The following WDR76 variants were observed in gnomAD, a reference collection of about 807,000 sequenced individuals.
WDR76 encodes WD repeat-containing protein 76.
Under a neutral mutation model 70.2 loss-of-function variants are expected in WDR76, and 52 were observed. That is an observed-to-expected ratio of 0.74 (90% CI 0.59 to 0.93). The LOEUF (loss-of-function observed/expected upper bound fraction) is 0.93, where lower values mean the gene tolerates loss of function less well. Ranked by LOEUF, WDR76 falls within the 40% of genes least tolerant of loss-of-function variation. WDR76 has a pLI of 0.00. For synonymous variants in WDR76, 292 were observed against 271.1 expected (o/e 1.08, Z -0.76); for missense variants, 756 against 760.2 (o/e 0.99, Z 0.07).
At chr15:43,829,556 G>A (rs1415324881) in intron 2 of WDR76, among the ~76,000 whole-genome samples, 1 of 146,116 alleles carries the variant, frequency 6.8e-6, no homozygotes, top group African/African-American at 2.6e-5. Flanking sequence ...GCCCAGGATG[G>A]AGCGCAGTGG....
chr15:43,861,430 A>T (rs1189210109), intron 12 of WDR76, 44 bp downstream of exon 12: 2 of 1,540,918 alleles, frequency 1.3e-6, no homozygotes, highest in African/African-American at 1.4e-5. Flanking sequence ...GATTACTATG[A>T]ACTATTTGTT....
At chr15:43,853,581 G>A (rs745553141) in intron 9 of WDR76, among the ~76,000 whole-genome samples, 1 of 152,120 alleles carries the variant, frequency 6.6e-6, no homozygotes, top group East Asian at 1.9e-4. Flanking sequence ...TAAAAAATGG[G>A]CAAAGGATCT....
At position 43,863,638 on chromosome 15, in the gene WDR76, C is replaced by T. The variant is rs141312172; in HGVS notation, c.1616+2252C>T. On this transcript the variant is annotated intron_variant, in intron 12 of 12. Transcript: ENST00000263795. ...GTGGTGGCATGATCATGGCTCACTT[C>T]AGCCTCAATCTCCTGGACTTGAGCA... is the stretch of plus-strand genomic sequence containing the variant. Among the ~76,000 whole-genome samples the T allele has an allele frequency of 4.1e-3, 628 of 152,010 alleles. 4 individuals are homozygous for T. Among genetic ancestry groups the T allele is most frequent in the Middle Eastern group, 0.024 (7 of 294 alleles).
chr15:43,848,862 CG>C (rs1452129773), intron 8 of WDR76, among the ~76,000 whole-genome samples: 1 of 151,426 alleles, frequency 6.6e-6, no homozygotes, highest in African/African-American at 2.4e-5. Flanking sequence ...TGCTTGAACC[CG>C]GGAGGCAGAG....
intron 2 of WDR76, among the ~76,000 whole-genome samples, chr15:43,830,814 C>T (rs1325001213): frequency 1.3e-5 from 2 of 151,720 alleles, no homozygotes; most frequent in South Asian, 2.1e-4. Context: ...TGGGAGGCCA[C>T]GGTGGGTGGA....
chr15:43,861,729 G>GC (rs2087999571), intron 12 of WDR76, among the ~76,000 whole-genome samples: 1 of 151,518 alleles, frequency 6.6e-6, no homozygotes, highest in South Asian at 2.1e-4. Context: ...CTGAAGGTCT[G>GC]TTTATTTGTG....
At position 43,858,728 on chromosome 15, in the gene WDR76, T is replaced by G. The variant is rs1280488051; in HGVS notation, c.1467T>G (p.Ile489Met). The change falls in exon 11 of 13, where the codon ATT becomes ATG. Residue 489 changes from isoleucine to methionine, a missense_variant. Coordinates refer to ENST00000263795, the MANE Select transcript of WDR76 (RefSeq NM_024908.4). ...RLNSRRSQPL[I>M]SLTEHTKSIA... ...ATTCCAGGAGAAGTCAGCCTTTGAT[T>G]TCTTTGACTGAACATACAAAGAGCA... The G allele has an allele frequency of 1.2e-6, 2 of 1,614,104 alleles. No individual in the cohort carries two copies.
chr15:43,854,719 C>T (rs2087907716), intron 9 of WDR76, among the ~76,000 whole-genome samples: 1 of 150,950 alleles, frequency 6.6e-6, no homozygotes, highest in Non-Finnish European at 1.5e-5. Context: ...GAGGCCGAGG[C>T]AGGTGGATCA....
intron 8 of WDR76, among the ~76,000 whole-genome samples, chr15:43,846,554 G>A (rs906639578): frequency 6.7e-6 from 1 of 150,076 alleles, no homozygotes; most frequent in Non-Finnish European, 1.5e-5. Context: ...AAAGTGCTGG[G>A]ATTACAGGTG....
chr15:43,840,306 G>C (rs1158201533), intron 5 of WDR76, among the ~76,000 whole-genome samples: 1 of 151,344 alleles, frequency 6.6e-6, no homozygotes, highest in Non-Finnish European at 1.5e-5. Flanking sequence ...AGCAATAATA[G>C]AACCCTCAGT....
At chr15:43,851,349 A>C (rs982803123) in intron 9 of WDR76, 104 bp downstream of exon 9, 2 of 1,469,618 alleles carry the variant, frequency 1.4e-6, no homozygotes, top group Non-Finnish European at 1.9e-6. Context: ...GGTATAGCAG[A>C]AGGACTTTGA....
In WDR76 at chr15:43,839,510, C is replaced by A. The variant is rs61354060; in HGVS notation, c.609-95C>A. ...ATATCTATGCAGTTTATAAATATAT[C>A]TGTGGTATATATTCCTAGAAGTTAT... On this transcript the variant is annotated intron_variant, in intron 4 of 12. Coordinates refer to ENST00000263795, the MANE Select transcript of WDR76 (RefSeq NM_024908.4). The A allele has an allele frequency of 1.1e-3, 1,362 of 1,239,708 alleles. 15 individuals are homozygous for A. In the African/African-American group the frequency reaches 0.02, roughly 18 times the overall value. The allele number at this position is 1,239,708 out of a possible 1,614,324, so 76.8% of individuals were successfully genotyped here.
intron 11 of WDR76, among the ~76,000 whole-genome samples, chr15:43,860,379 CAT>C (rs1397292319): frequency 6.6e-6 from 1 of 152,188 alleles, no homozygotes; most frequent in Non-Finnish European, 1.5e-5. Context: ...GTGATTTGTA[CAT>C]TTTCAGGCCA....
intron 8 of WDR76, among the ~76,000 whole-genome samples, chr15:43,850,420 C>G (rs961421169): frequency 6.6e-6 from 1 of 151,900 alleles, no homozygotes; most frequent in East Asian, 1.9e-4. Context: ...CTCAGCCTCC[C>G]GAGTAGATGG....
chr15:43,845,547 G>T (rs565133815), intron 8 of WDR76, among the ~76,000 whole-genome samples: 1 of 150,258 alleles, frequency 6.7e-6, no homozygotes, highest in South Asian at 2.1e-4. Flanking sequence ...TAGTCACCAG[G>T]ACTGTGAGAA....
At position 43,854,622 on chromosome 15, in the gene WDR76, T is replaced by G. The variant is rs939831863; in HGVS notation, c.1192-2324T>G. Among the ~76,000 whole-genome samples, 3 of 152,114 alleles carry G rather than the reference T, an allele frequency of 2.0e-5. No individual in the cohort carries two copies. In the South Asian group the frequency reaches 6.2e-4, roughly 32 times the overall value. Reference sequence around the variant, plus strand: ...TTTAGGTATATAATTCTCTGAGTTTTGGTGAATTGTGTACACATGTGTAAC... The same window carrying G: ...TTTAGGTATATAATTCTCTGAGTTTGGGTGAATTGTGTACACATGTGTAAC... On this transcript the variant is annotated intron_variant, in intron 9 of 12. Coordinates refer to ENST00000263795, the MANE Select transcript of WDR76 (RefSeq NM_024908.4).
At position 43,839,626 on chromosome 15, in the gene WDR76, T is replaced by C; in HGVS notation, c.630T>C (p.Asn210=). Reference sequence around the variant, plus strand: ...TTAGAAAGAAGCCTAAGAGAGAAAATGGGATTGGATGTAGAAGGTCAATGC... The same window carrying C: ...TTAGAAAGAAGCCTAAGAGAGAAAACGGGATTGGATGTAGAAGGTCAATGC... ...KSKRKKPKRE[N]GIGCRRSMRL... Residue 210 remains asparagine, a synonymous_variant, in exon 5 of 13, where the codon AAT becomes AAC. Transcript: ENST00000263795. 6.2e-7 allele frequency: 1 copy of C among 1,610,598 alleles called. No homozygotes were observed. Among genetic ancestry groups the C allele is most frequent in the South Asian group, 1.1e-5 (1 of 90,336 alleles).
rs1567191725 is a variant in WDR76, at chr15:43,857,050, T to C, written c.1296T>C (p.Asp432=). Residue 432 remains aspartate, a synonymous_variant, in exon 10 of 13, where the codon GAT becomes GAC. Transcript: ENST00000263795. The part of the protein sequence containing the change: ...GHWDGNMSLV[D]RRTPGTSYEK... Reference sequence around the variant, plus strand: ...GGGATGGAAATATGTCACTGGTGGATAGACGGACACCTGGAACTTCTTATG... The same window carrying C: ...GGGATGGAAATATGTCACTGGTGGACAGACGGACACCTGGAACTTCTTATG... 1.9e-6 allele frequency: 3 copies of C among 1,614,142 alleles called. No homozygotes were observed. The highest frequency in any genetic ancestry group is 2.5e-6 in the Non-Finnish European group (3 of 1,180,010).
intron 9 of WDR76, among the ~76,000 whole-genome samples, chr15:43,855,322 CTG>C (rs1160014274): frequency 3.3e-5 from 5 of 152,278 alleles, no homozygotes; most frequent in Middle Eastern, 6.8e-3. Context: ...GGTGAAAAAA[CTG>C]AGGCAGAGAG....
Sources: allele counts gnomAD v4.1 joint callset (sites outside exome capture counted in the v4.1 genomes callset), GRCh38; gene constraint gnomAD v4.1.1; transcripts MANE v1.5; gene names NCBI Gene and HGNC (gene_info 2026-07-23, HGNC 2026-07-21).